Variants in MACROD2 observed in about 807,000 individuals in gnomAD.
The protein encoded by MACROD2 is mono-ADP ribosylhydrolase 2, also known as ADP-ribose glycohydrolase MACROD2.
A neutral mutation model predicts 70.4 loss-of-function variants in MACROD2; 36 were observed. The observed-to-expected ratio is 0.51, with a 90% CI of 0.39 to 0.68. MACROD2 has a LOEUF of 0.68. Ranked by LOEUF, MACROD2 falls within the 30% of genes least tolerant of loss-of-function variation. The probability of loss-of-function intolerance (pLI) is 0.00; values close to 1 mark genes in which losing one functional copy is unlikely to be tolerated. For missense variants in MACROD2, 496 were observed against 538.4 expected (o/e 0.92, Z 0.78); for synonymous variants, 172 against 178.8 (o/e 0.96, Z 0.30).
chr20:15,792,168 A>T (rs1296014505), intron 8 of MACROD2, among the ~76,000 whole-genome samples: 2 of 152,056 alleles, frequency 1.3e-5, no homozygotes, highest in African/African-American at 4.8e-5. Flanking sequence ...GTGCCGGGAC[A>T]AGGTACTAAC....
intron 8 of MACROD2, among the ~76,000 whole-genome samples, chr20:15,614,359 A>G (rs1467673031): frequency 1.3e-5 from 2 of 152,092 alleles, no homozygotes; most frequent in Admixed American, 1.3e-4. Context: ...GGTTACTCCC[A>G]TTGCTTGCTG....
At chr20:14,387,539 T>C (rs532982334) in intron 3 of MACROD2, among the ~76,000 whole-genome samples, 2 of 152,184 alleles carry the variant, frequency 1.3e-5, no homozygotes, top group African/African-American at 2.4e-5. Context: ...TTTAGCCCAA[T>C]AGGGTTGAAA....
At chr20:15,809,916 A>G (rs896042160) in intron 8 of MACROD2, among the ~76,000 whole-genome samples, 1 of 148,368 alleles carries the variant, frequency 6.7e-6, no homozygotes, top group Non-Finnish European at 1.5e-5. Context: ...CACAACGTGC[A>G]GGTTTGTTAC....
At chr20:15,662,429 T>TA (rs2049834834) in intron 8 of MACROD2, among the ~76,000 whole-genome samples, 1 of 152,190 alleles carries the variant, frequency 6.6e-6, no homozygotes, top group African/African-American at 2.4e-5. Flanking sequence ...GACTGGCACA[T>TA]AGTAGGCACT....
intron 3 of MACROD2, among the ~76,000 whole-genome samples, chr20:14,114,568 G>A (rs766036967): frequency 3.9e-5 from 6 of 152,032 alleles, no homozygotes; most frequent in African/African-American, 7.2e-5. Context: ...AGGATTAGTT[G>A]CACCCTGACA....
chr20:14,539,214 T>G (rs1234888879), intron 4 of MACROD2, among the ~76,000 whole-genome samples: 1 of 152,222 alleles, frequency 6.6e-6, no homozygotes, highest in Non-Finnish European at 1.5e-5. Flanking sequence ...ATTTTTCTCC[T>G]CAAAATCTCA....
At chr20:14,566,918 A>G (rs1196435460) in intron 4 of MACROD2, 2 of 152,066 alleles carry the variant, frequency 1.3e-5, no homozygotes, top group African/African-American at 4.8e-5. Context: ...ATCAGTTAAA[A>G]AGACAAACAC....
At chr20:15,301,591 C>CTTTTTTTTT (rs71340214) in intron 6 of MACROD2, among the ~76,000 whole-genome samples, 1,802 of 81,220 alleles carry the variant, frequency 0.022, 248 homozygotes, top group South Asian at 0.037. Flanking sequence ...GGTAGGTGGC[C>CTTTTTTTTT]TTTTTTTTTT....
At chr20:16,006,860 T>G (rs1462093901) in intron 15 of MACROD2, among the ~76,000 whole-genome samples, 5 of 152,182 alleles carry the variant, frequency 3.3e-5, no homozygotes, top group Non-Finnish European at 1.5e-5. Flanking sequence ...AAGGAACCAA[T>G]GCCAAAACAT....
intron 3 of MACROD2, among the ~76,000 whole-genome samples, chr20:14,231,245 G>A (rs533645234): frequency 1.1e-4 from 16 of 151,530 alleles, no homozygotes; most frequent in South Asian, 1.0e-3. Context: ...CCATTAACTC[G>A]TCATTTAACA....
chr20:15,946,874 G>C (rs1022828509), intron 12 of MACROD2, among the ~76,000 whole-genome samples: 2 of 152,134 alleles, frequency 1.3e-5, no homozygotes, highest in Non-Finnish European at 2.9e-5. Context: ...CTCAGCAAGA[G>C]GAATGCGGCA....
intron 8 of MACROD2, among the ~76,000 whole-genome samples, chr20:15,672,979 A>G (rs1326649430): frequency 6.6e-6 from 1 of 152,136 alleles, no homozygotes; most frequent in Non-Finnish European, 1.5e-5. Context: ...TTTGCCTGTC[A>G]CCATGTAAGA....
chr20:15,670,828 A>G (rs2049970313), intron 8 of MACROD2, among the ~76,000 whole-genome samples: 1 of 152,212 alleles, frequency 6.6e-6, no homozygotes, highest in African/African-American at 2.4e-5. Context: ...ACTAGAAGTG[A>G]AGAGGTCAAG....
At chr20:14,393,241 A>T (rs2083546985) in intron 3 of MACROD2, among the ~76,000 whole-genome samples, 1 of 152,198 alleles carries the variant, frequency 6.6e-6, no homozygotes, top group African/African-American at 2.4e-5. Flanking sequence ...CTTCTGAATG[A>T]GCATGTTAAC....
intron 5 of MACROD2, among the ~76,000 whole-genome samples, chr20:14,686,544 A>G (rs1178928466): frequency 6.6e-6 from 1 of 152,124 alleles, no homozygotes; most frequent in Non-Finnish European, 1.5e-5. Context: ...TTTTTACTGT[A>G]CGTTTTCTAT....
chr20:15,744,914 G>GTTGTATCTCTT (rs1256286206), intron 8 of MACROD2, among the ~76,000 whole-genome samples: 1 of 151,176 alleles, frequency 6.6e-6, no homozygotes, highest in Non-Finnish European at 1.5e-5. Flanking sequence ...ATAAATGTGA[G>GTTGTATCTCTT]TTGTATCTCT....
intron 8 of MACROD2, among the ~76,000 whole-genome samples, chr20:15,585,202 C>CT (rs397865605): frequency 0.26 from 36,634 of 139,472 alleles, 5,298 homozygotes; most frequent in Non-Finnish European, 0.34. Context: ...TCTTTTTTTT[C>CT]TTTTTTTTTT....
In MACROD2 at chr20:14,171,685, C is replaced by A. The variant is rs139939074; in HGVS notation, c.271+85957C>A. Among the ~76,000 whole-genome samples the A allele has an allele frequency of 7.9e-4, 121 of 152,254 alleles. 2 individuals are homozygous for A. In the East Asian group the frequency reaches 0.013, roughly 17 times the overall value. On this transcript the variant is annotated intron_variant, in intron 3 of 17. Transcript: ENST00000684519. ...TTTGGAGTTGATTTCCAACTTTATT[C>A]CACTGTGGTCTGAGAGAGTTCTTGA... is the stretch of plus-strand genomic sequence containing the variant.
chr20:15,728,690 G>A (rs926558732), intron 8 of MACROD2, among the ~76,000 whole-genome samples: 3 of 152,088 alleles, frequency 2.0e-5, no homozygotes, highest in African/African-American at 4.8e-5. Context: ...GTGCATAGAG[G>A]TGTTTGTAGT....
Sources: gnomAD v4.1 joint callset for allele counts (sites outside exome capture counted in the v4.1 genomes callset) on GRCh38, gnomAD v4.1.1 for gene constraint, MANE v1.5 for transcripts, NCBI Gene and HGNC (gene_info 2026-07-23, HGNC 2026-07-21) for gene names.